The following OVCH1 variants were observed in gnomAD, a reference collection of about 807,000 sequenced individuals.
OVCH1 encodes the protein ovochymase 1.
In OVCH1, 139 loss-of-function variants were observed where a neutral mutation model predicts 138.4. The observed-to-expected ratio is 1.00, with a 90% CI of 0.87 to 1.16. OVCH1 has a LOEUF of 1.16. Among genes scored for constraint, OVCH1 ranks in the 50% most tolerant of loss-of-function variants. OVCH1 has a pLI of 0.00. For missense variants in OVCH1, 1,367 were observed against 1,357.9 expected (o/e 1.01, Z -0.11); for synonymous variants, 453 against 467.8 (o/e 0.97, Z 0.41).
downstream of OVCH1, among the ~76,000 whole-genome samples, chr12:29,424,004 C>T (rs1262672934): frequency 2.6e-5 from 4 of 152,070 alleles, no homozygotes; most frequent in South Asian, 4.1e-4. Flanking sequence ...AACCCAGCAG[C>T]GCTAGAGGAA....
intron 8 of OVCH1, among the ~76,000 whole-genome samples, chr12:29,480,525 A>T (rs946848133): frequency 6.6e-6 from 1 of 152,230 alleles, no homozygotes; most frequent in Non-Finnish European, 1.5e-5. Flanking sequence ...TTTTAAGAGG[A>T]TTTTGAAGTC....
At chr12:29,461,897 A>G in exon 19 of OVCH1, 1 of 1,613,876 alleles carries the variant, frequency 6.2e-7, no homozygotes, top group African/African-American at 1.3e-5. Flanking sequence ...GCCAGCACAG[A>G]TCATCTTCTC....
At chr12:29,407,680 G>A (rs1286427419), downstream of OVCH1, among the ~76,000 whole-genome samples, 1 of 152,064 alleles carries the variant, frequency 6.6e-6, no homozygotes, top group Non-Finnish European at 1.5e-5. Flanking sequence ...CTGTTTTGGT[G>A]CCAGTACCAT....
chr12:29,489,566 A>G, intron 6 of OVCH1, 54 bp downstream of exon 6: 2 of 1,510,088 alleles, frequency 1.3e-6, no homozygotes, highest in Admixed American at 2.2e-5. Flanking sequence ...GAAAGGCAGA[A>G]TCTACTTTCA....
exon 17 of OVCH1, chr12:29,465,217 T>C: frequency 6.3e-7 from 1 of 1,594,614 alleles, no homozygotes; most frequent in Non-Finnish European, 8.5e-7. Flanking sequence ...TGGATTATTC[T>C]TCCTGGAGAC....
chr12:29,411,944 T>C (rs1940964253), downstream of OVCH1, among the ~76,000 whole-genome samples: 1 of 150,600 alleles, frequency 6.6e-6, no homozygotes, highest in African/African-American at 2.4e-5. Flanking sequence ...CTCCTTGAGC[T>C]GTGTTGGGCT....
At chr12:29,410,093 G>T (rs946020794), downstream of OVCH1, among the ~76,000 whole-genome samples, 1 of 151,692 alleles carries the variant, frequency 6.6e-6, no homozygotes, top group Non-Finnish European at 1.5e-5. Context: ...GATCTTTGTT[G>T]GTTTAAAGTC....
At chr12:29,430,809 T>C in intron 27 of OVCH1, 1 of 471,906 alleles carries the variant, frequency 2.1e-6, no homozygotes, top group African/African-American at 2.0e-5. Context: ...ATTAACACCC[T>C]CCCTTGAGTT....
intron 22 of OVCH1, 71 bp downstream of exon 22, chr12:29,451,274 C>T: frequency 8.0e-7 from 1 of 1,244,552 alleles, no homozygotes; most frequent in Non-Finnish European, 1.1e-6. Flanking sequence ...AAGTCAGACT[C>T]ATTCCTGATC....
At chr12:29,471,438 G>T (rs1240320172) in intron 16 of OVCH1, among the ~76,000 whole-genome samples, 1 of 152,088 alleles carries the variant, frequency 6.6e-6, no homozygotes, top group Non-Finnish European at 1.5e-5. Context: ...AACCAACAGT[G>T]GAACTATGAG....
At position 29,444,000 on chromosome 12, in the gene OVCH1, A is replaced by C. The variant is rs1476456531; in HGVS notation, c.3017+145T>G. 4 of 817,800 alleles carry C rather than the reference A, an allele frequency of 4.9e-6. No homozygotes were observed. In the East Asian group the frequency reaches 1.1e-4, roughly 23 times the overall value. 50.7% of individuals were successfully genotyped at this position (817,800 alleles called of 1,614,324 possible). On this transcript the variant is annotated intron_variant, in intron 24 of 27. Transcript: ENST00000318184. ...TGTTTTGTTTTGTTTCCATATTAAA[A>C]GCCATAGATTAGGGGTTACCTAAGA...
chr12:29,444,851 A>G (rs1941572565), intron 23 of OVCH1, among the ~76,000 whole-genome samples: 1 of 152,038 alleles, frequency 6.6e-6, no homozygotes, highest in Non-Finnish European at 1.5e-5. Context: ...TTTGTTTTCA[A>G]AACTTACTCT....
Position 29,489,797 on chromosome 12 carries a change from G to A in OVCH1, c.551-26C>T, listed in dbSNP as rs542692953. The A allele has an allele frequency of 2.9e-5, 46 of 1,597,926 alleles. No individual in the cohort carries two copies. The African/African-American group carries it at 5.6e-4, about 19-fold the overall frequency. ...CTGTAGAGAGAGGACAGATAAGTTAGCACACAATATCCTCATGGAAACAAA... is the reference window on the plus strand; with the variant it reads ...CTGTAGAGAGAGGACAGATAAGTTAACACACAATATCCTCATGGAAACAAA... On this transcript the variant is annotated intron_variant, in intron 5 of 27. Transcript: ENST00000318184.
intron 4 of OVCH1, 136 bp from the exon 5 acceptor site, chr12:29,491,328 C>A: frequency 1.4e-6 from 1 of 721,510 alleles, no homozygotes. Context: ...TAAGTTTTGG[C>A]CCCTCCATAT....
At chr12:29,449,088 T>C (rs1941699677) in intron 22 of OVCH1, among the ~76,000 whole-genome samples, 1 of 152,134 alleles carries the variant, frequency 6.6e-6, no homozygotes, top group South Asian at 2.1e-4. Context: ...TTTCACCAAA[T>C]CTTTTCAATC....
At chr12:29,410,255 CTT>C (rs1940937719), downstream of OVCH1, among the ~76,000 whole-genome samples, 1 of 144,996 alleles carries the variant, frequency 6.9e-6, no homozygotes, top group East Asian at 2.0e-4. Context: ...GGTCTTGACT[CTT>C]TATCCAATTT....
chr12:29,463,047 G>A (rs553417646), intron 18 of OVCH1, among the ~76,000 whole-genome samples: 2 of 152,318 alleles, frequency 1.3e-5, no homozygotes, highest in African/African-American at 4.8e-5. Flanking sequence ...GTATTAGAGA[G>A]CAGGCACATT....
chr12:29,464,734 G>A (rs780089822), intron 17 of OVCH1, 32 bp from the exon 18 acceptor site: 56 of 1,571,336 alleles, frequency 3.6e-5, no homozygotes, highest in Middle Eastern at 1.7e-4. Context: ...AAATTACAAC[G>A]TAAGAAAGTC....
chr12:29,491,138 C>T, exon 5 of OVCH1: 1 of 1,613,720 alleles, frequency 6.2e-7, no homozygotes, highest in Non-Finnish European at 8.5e-7. Context: ...GCAAAGAATT[C>T]CTGGTTCAAC....
Sources: gnomAD v4.1 joint callset for allele counts (sites outside exome capture counted in the v4.1 genomes callset) on GRCh38, gnomAD v4.1.1 for gene constraint, MANE v1.5 for transcripts, NCBI Gene and HGNC (gene_info 2026-07-23, HGNC 2026-07-21) for gene names.